Variants in SDK1 observed in about 807,000 individuals in gnomAD.
The protein encoded by SDK1 is protein sidekick-1.
SDK1 carries 157 observed loss-of-function variants against 245.5 expected under a neutral mutation model. That is an observed-to-expected ratio of 0.64 (90% CI 0.56 to 0.73). SDK1 has a LOEUF of 0.73. Among genes scored for constraint, SDK1 ranks in the 30% least tolerant of loss-of-function variants. SDK1 has a pLI of 0.00. For missense variants in SDK1, 3,583 were observed against 3,002.3 expected, an observed-to-expected ratio of 1.19 and a Z score of -4.52; for synonymous variants, 1,647 against 1,278.5, an observed-to-expected ratio of 1.29 and a Z score of -6.15.
chr7:3,532,097 C>G (rs950003644), intron 1 of SDK1, among the ~76,000 whole-genome samples: 3 of 151,938 alleles, frequency 2.0e-5, no homozygotes, highest in Non-Finnish European at 4.4e-5. Flanking sequence ...TACTTTCTAC[C>G]TTCTTACTTT....
chr7:4,027,696 G>A (rs1787465054), intron 17 of SDK1, among the ~76,000 whole-genome samples: 1 of 152,044 alleles, frequency 6.6e-6, no homozygotes, highest in Non-Finnish European at 1.5e-5. Context: ...CTTTTCTCAG[G>A]GGTGTTGCAA....
At position 3,843,973 on chromosome 7, in the gene SDK1, C is replaced by G. The variant is rs149535501; in HGVS notation, c.847+22390C>G. Among the ~76,000 whole-genome samples, 730 of 152,092 alleles carry G rather than the reference C, an allele frequency of 4.8e-3. 5 individuals carry two copies. Among genetic ancestry groups the G allele is most frequent in the South Asian group, 0.014 (69 of 4,816 alleles). On this transcript the variant is annotated intron_variant, in intron 5 of 44. Coordinates refer to ENST00000404826, the MANE Select transcript of SDK1 (RefSeq NM_152744.4). The stretch of plus-strand genomic sequence containing the variant: ...ATCCTACTACAACTTTGCAGAAATC[C>G]TATTTATTTATTTATTAGACAGAGT...
At chr7:3,620,747 G>C (rs896323423) in intron 2 of SDK1, among the ~76,000 whole-genome samples, 9 of 152,094 alleles carry the variant, frequency 5.9e-5, no homozygotes, top group African/African-American at 2.2e-4. Flanking sequence ...CCCCATCAAA[G>C]GCATGGACAC....
chr7:3,968,819 G>A (rs1219283176), intron 10 of SDK1, among the ~76,000 whole-genome samples: 2 of 152,172 alleles, frequency 1.3e-5, no homozygotes, highest in African/African-American at 2.4e-5. Context: ...TTTCTTTGTT[G>A]TATTAGTCCA....
chr7:3,809,953 G>A (rs1779345695), intron 4 of SDK1, among the ~76,000 whole-genome samples: 1 of 152,220 alleles, frequency 6.6e-6, no homozygotes, highest in African/African-American at 2.4e-5. Flanking sequence ...CTCTGCAGAG[G>A]CTGCAGGTGC....
chr7:3,653,706 G>C (rs957292057), intron 4 of SDK1, among the ~76,000 whole-genome samples: 3 of 152,092 alleles, frequency 2.0e-5, no homozygotes, highest in African/African-American at 7.2e-5. Flanking sequence ...AGGAGAAACG[G>C]GTTGGGAGTG....
chr7:3,789,259 T>C (rs891680825), intron 4 of SDK1, among the ~76,000 whole-genome samples: 16 of 152,192 alleles, frequency 1.1e-4, no homozygotes, highest in African/African-American at 3.6e-4. Flanking sequence ...GCGATTCTCC[T>C]GCCTCAGCCT....
intron 5 of SDK1, among the ~76,000 whole-genome samples, chr7:3,929,772 G>C (rs1351092881): frequency 6.6e-6 from 1 of 152,066 alleles, no homozygotes; most frequent in East Asian, 1.9e-4. Context: ...TTTGTAGATA[G>C]GTGGAGAGGT....
chr7:4,051,738 A>C lies in SDK1; in HGVS notation c.2819A>C (p.Lys940Thr), dbSNP rs780139215. The C allele has an allele frequency of 6.2e-7, 1 of 1,614,034 alleles. No individual in the cohort carries two copies. Among genetic ancestry groups the C allele is most frequent in the Admixed American group, 1.7e-5 (1 of 60,006 alleles). Residue 940 changes from lysine (K) to threonine (T), a missense_variant, in exon 19 of 45, where the codon AAG becomes ACG. Transcript: ENST00000404826. ...VHHGHITNLKKFTAYFTSVLC... is the reference protein window; with the variant it reads ...VHHGHITNLKTFTAYFTSVLC... ...CATGGACACATAACGAACCTGAAGA[A>C]GTTTACCGCCTACTTCACTTCCGTT... is the stretch of plus-strand genomic sequence containing the variant.
At position 3,789,400 on chromosome 7, in the gene SDK1, A is replaced by G. The variant is rs10274442; in HGVS notation, c.714-32050A>G. Among the ~76,000 whole-genome samples, 848 of 152,304 alleles carry G rather than the reference A, an allele frequency of 5.6e-3. 8 individuals are homozygous for G. The highest frequency in any genetic ancestry group is 0.02 in the African/African-American group (815 of 41,566). On this transcript the variant is annotated intron_variant, in intron 4 of 44. Transcript: ENST00000404826. ...CGACCTCAGGTGATCCACTCGCCTC[A>G]GCCTCCCAAAGTGCTGGGATTACAG...
intron 1 of SDK1, among the ~76,000 whole-genome samples, chr7:3,616,887 A>C (rs1257648214): frequency 6.6e-6 from 1 of 152,228 alleles, no homozygotes; most frequent in Non-Finnish European, 1.5e-5. Flanking sequence ...ATAAATTACC[A>C]AAAATTTAAA....
chr7:4,027,457 C>G (rs571955184), intron 17 of SDK1, among the ~76,000 whole-genome samples: 1 of 152,320 alleles, frequency 6.6e-6, no homozygotes, highest in South Asian at 2.1e-4. Context: ...GTAGAAATTG[C>G]TCATTCCTTA....
chr7:3,592,787 T>A (rs769852333), intron 1 of SDK1, among the ~76,000 whole-genome samples: 1 of 152,360 alleles, frequency 6.6e-6, no homozygotes, highest in East Asian at 1.9e-4. Context: ...CTGCTCAGAT[T>A]GCCACACCTT....
intron 1 of SDK1, among the ~76,000 whole-genome samples, chr7:3,385,597 T>G (rs961922221): frequency 3.3e-5 from 5 of 152,156 alleles, no homozygotes; most frequent in African/African-American, 1.2e-4. Context: ...ACAAGGTGAC[T>G]TGCCATTTCT....
chr7:4,204,802 G>T (rs566642119), intron 35 of SDK1, among the ~76,000 whole-genome samples: 15 of 152,204 alleles, frequency 9.9e-5, no homozygotes, highest in Non-Finnish European at 1.5e-5. Flanking sequence ...ATGGACAGCC[G>T]GGAGAGCCCC....
At chr7:3,581,000 AC>A (rs66724922) in intron 1 of SDK1, among the ~76,000 whole-genome samples, 3,639 of 91,716 alleles carry the variant, frequency 0.04, 263 homozygotes, top group South Asian at 0.062. Flanking sequence ...AAAAACCAAA[AC>A]AAAACCCTGG....
At chr7:4,194,483 C>A (rs1027053400) in intron 35 of SDK1, among the ~76,000 whole-genome samples, 1 of 151,472 alleles carries the variant, frequency 6.6e-6, no homozygotes, top group Admixed American at 6.6e-5. Context: ...TATATACTCC[C>A]ATATATATGG....
intron 1 of SDK1, among the ~76,000 whole-genome samples, chr7:3,502,170 C>G (rs1377199988): frequency 6.6e-6 from 1 of 151,836 alleles, no homozygotes; most frequent in African/African-American, 2.4e-5. Context: ...GGGGCTTCTT[C>G]AAAGAATTTT....
At chr7:4,121,556 A>G (rs1166668325) in intron 25 of SDK1, among the ~76,000 whole-genome samples, 1 of 152,184 alleles carries the variant, frequency 6.6e-6, no homozygotes, top group African/African-American at 2.4e-5. Flanking sequence ...AGCCATGTGT[A>G]ACTCTGAGTC....
Sources: allele counts gnomAD v4.1 joint callset (sites outside exome capture counted in the v4.1 genomes callset), GRCh38; gene constraint gnomAD v4.1.1; transcripts MANE v1.5; gene names NCBI Gene and HGNC (gene_info 2026-07-23, HGNC 2026-07-21).